Variants in COL23A1 observed in about 807,000 individuals in gnomAD.
COL23A1 encodes collagen type XXIII alpha 1 chain, also known as collagen alpha-1(XXIII) chain.
A neutral mutation model predicts 99.3 loss-of-function variants in COL23A1; 97 were observed. The observed-to-expected ratio is 0.98, with a 90% CI of 0.83 to 1.16. COL23A1 has a LOEUF of 1.16. Ranked by LOEUF, COL23A1 falls within the 50% of genes most tolerant of loss-of-function variation. The pLI is 0.00. For missense variants in COL23A1, 762 were observed against 757.4 expected, an observed-to-expected ratio of 1.01 and a Z score of -0.07; for synonymous variants, 320 against 308.2, an observed-to-expected ratio of 1.04 and a Z score of -0.40.
intron 2 of COL23A1, among the ~76,000 whole-genome samples, chr5:178,360,952 C>T (rs1035926813): frequency 6.6e-6 from 1 of 152,176 alleles, no homozygotes; most frequent in Non-Finnish European, 1.5e-5. Flanking sequence ...CAACAGAAGA[C>T]GTTTTTGACA....
intron 2 of COL23A1, among the ~76,000 whole-genome samples, chr5:178,488,549 T>A (rs1757754605): frequency 1.3e-5 from 2 of 152,138 alleles, no homozygotes; most frequent in South Asian, 4.1e-4. Flanking sequence ...AAATGCAACA[T>A]GAGACCTATC....
At chr5:178,490,716 G>C (rs1429403607) in intron 2 of COL23A1, among the ~76,000 whole-genome samples, 1 of 152,186 alleles carries the variant, frequency 6.6e-6, no homozygotes, top group Non-Finnish European at 1.5e-5. Flanking sequence ...GTTTGAGACT[G>C]CAGTGAGCTA....
At chr5:178,541,098 T>C (rs145566724) in intron 2 of COL23A1, among the ~76,000 whole-genome samples, 1 of 152,204 alleles carries the variant, frequency 6.6e-6, no homozygotes, top group African/African-American at 2.4e-5. Flanking sequence ...ATACTAACTA[T>C]CAAGTTTTGG....
intron 2 of COL23A1, among the ~76,000 whole-genome samples, chr5:178,368,521 T>C (rs1181486641): frequency 2.6e-5 from 4 of 152,192 alleles, no homozygotes; most frequent in Non-Finnish European, 5.9e-5. Context: ...GACTGTGTAA[T>C]GACACGTAGC....
chr5:178,253,781 G>T (rs1190105671), intron 16 of COL23A1, among the ~76,000 whole-genome samples: 1 of 151,974 alleles, frequency 6.6e-6, no homozygotes, highest in African/African-American at 2.4e-5. Flanking sequence ...GCGCCCGGCC[G>T]TGTTTTTATT....
At chr5:178,487,287 G>GTTTTTTTT (rs778127626) in intron 2 of COL23A1, among the ~76,000 whole-genome samples, 5,490 of 137,030 alleles carry the variant, frequency 0.04, 126 homozygotes, top group African/African-American at 0.051. Context: ...ACCAGCCTCA[G>GTTTTTTTT]TTTTATTTAT....
rs547754763 is a variant in COL23A1, at chr5:178,401,976, C to T, written c.362-95057G>A. ...GATTACAGGCGCCTGCCACCACGCT[C>T]GGCTAATTTTTGTATTTTTAGTAGA... is the stretch of plus-strand genomic sequence containing the variant. On this transcript the variant is annotated intron_variant, in intron 2 of 28. Transcript: ENST00000390654. Among the ~76,000 whole-genome samples, 8 of 152,168 alleles carry T rather than the reference C, an allele frequency of 5.3e-5. No individual in the cohort carries two copies. The East Asian group carries it at 5.8e-4, about 11-fold the overall frequency.
rs1765515084 is a variant in COL23A1, at chr5:178,259,605, G to A, written c.729+116C>T. On this transcript the variant is annotated intron_variant, in intron 12 of 28. Transcript: ENST00000390654. Reference sequence around the variant, plus strand: ...GGAGAGAAGGCCGCCTTCCCTGTGGGTTGGCTCCCAGCCCATCCCGTCCCC... The same window carrying A: ...GGAGAGAAGGCCGCCTTCCCTGTGGATTGGCTCCCAGCCCATCCCGTCCCC... 3.8e-6 allele frequency: 4 copies of A among 1,048,370 alleles called. No individual in the cohort carries two copies. The African/African-American group carries it at 4.8e-5, about 13-fold the overall frequency. The allele number at this position is 1,048,370 out of a possible 1,614,324, so 64.9% of individuals were successfully genotyped here.
Position 178,590,237 on chromosome 5 carries a change from C to T in COL23A1, c.-40G>A. 2 of 1,204,510 alleles carry T rather than the reference C, an allele frequency of 1.7e-6. No homozygotes were observed. The highest frequency in any genetic ancestry group is 2.1e-6 in the Non-Finnish European group (2 of 969,210). 74.6% of individuals were successfully genotyped at this position (1,204,510 alleles called of 1,614,324 possible). ...GCGTGGACTCTCCGAGGGGGCGGTG[C>T]TGCTGGGGCAGAGGCTGGGTGCGAG... On this transcript the variant is annotated 5_prime_UTR_variant, in exon 1 of 29. Transcript: ENST00000390654. The surrounding 1 kb of genome is among the most constrained non-coding windows in gnomAD (Gnocchi z 5.7).
intron 2 of COL23A1, among the ~76,000 whole-genome samples, chr5:178,381,192 A>G (rs1763363326): frequency 6.6e-6 from 1 of 152,120 alleles, no homozygotes; most frequent in Admixed American, 6.5e-5. Context: ...TTCAACAAAT[A>G]ATTAGGGGGT....
chr5:178,262,786 G>A (rs1765706138), intron 9 of COL23A1, among the ~76,000 whole-genome samples: 1 of 152,150 alleles, frequency 6.6e-6, no homozygotes, highest in African/African-American at 2.4e-5. Context: ...TGCAACTAAG[G>A]TCAGCTTAGG....
chr5:178,403,141 A>AAAAAAAAAAAAAAC (rs1764563029), intron 2 of COL23A1, among the ~76,000 whole-genome samples: 1 of 146,240 alleles, frequency 6.8e-6, no homozygotes, highest in East Asian at 2.0e-4. Context: ...TAAAAAATAA[A>AAAAAAAAAAAAAAC]TACCATTTAC....
At chr5:178,450,972 C>T (rs912370102) in intron 2 of COL23A1, among the ~76,000 whole-genome samples, 4 of 152,160 alleles carry the variant, frequency 2.6e-5, no homozygotes, top group Admixed American at 6.5e-5. Flanking sequence ...TTTCTAAGAA[C>T]GTACTACTTA....
intron 2 of COL23A1, among the ~76,000 whole-genome samples, chr5:178,463,370 A>G (rs962638506): frequency 6.6e-6 from 1 of 152,176 alleles, no homozygotes; most frequent in African/African-American, 2.4e-5. Flanking sequence ...ATGTATGTGG[A>G]TTTGGTATTC....
intron 25 of COL23A1, among the ~76,000 whole-genome samples, chr5:178,245,068 C>G (rs56077296): frequency 0.11 from 13,208 of 125,578 alleles, 1,389 homozygotes; most frequent in African/African-American, 0.27. Flanking sequence ...CATCCATCCA[C>G]TCATCATCTA....
chr5:178,326,997 C>T (rs766392524), intron 2 of COL23A1, among the ~76,000 whole-genome samples: 16 of 152,240 alleles, frequency 1.1e-4, no homozygotes, highest in Admixed American at 7.2e-4. Flanking sequence ...GGATTACAGG[C>T]GTGAGCCACT....
At chr5:178,582,729 C>T (rs1321339639) in intron 1 of COL23A1, among the ~76,000 whole-genome samples, 1 of 152,206 alleles carries the variant, frequency 6.6e-6, no homozygotes, top group East Asian at 1.9e-4. Context: ...TACCCCCAGG[C>T]TACATGCACC....
chr5:178,511,657 T>C (rs1759212229), intron 2 of COL23A1, among the ~76,000 whole-genome samples: 1 of 152,214 alleles, frequency 6.6e-6, no homozygotes, highest in South Asian at 2.1e-4. Context: ...CTGGTGACCA[T>C]GGGTCCCCTG....
intron 2 of COL23A1, among the ~76,000 whole-genome samples, chr5:178,495,430 A>C (rs1323919142): frequency 6.6e-6 from 1 of 152,262 alleles, no homozygotes; most frequent in South Asian, 2.1e-4. Context: ...AGTGAGGGAA[A>C]GACCCAGAGG....
Sources: allele counts gnomAD v4.1 joint callset (sites outside exome capture counted in the v4.1 genomes callset), GRCh38; gene constraint gnomAD v4.1.1; non-coding constraint Gnocchi (gnomAD v3.1); transcripts MANE v1.5; gene names NCBI Gene and HGNC (gene_info 2026-07-23, HGNC 2026-07-21).